Variants in FLRT1 observed in about 807,000 individuals in gnomAD.
FLRT1 encodes the protein leucine-rich repeat transmembrane protein FLRT1.
In FLRT1, 14 loss-of-function variants were observed where a neutral mutation model predicts 30.9. The ratio of observed to expected loss-of-function variants is 0.45; its 90% CI spans 0.30 to 0.71. The LOEUF (loss-of-function observed/expected upper bound fraction) is 0.71. FLRT1 is among the 30% of genes least tolerant of loss of function. The pLI is 0.08. For synonymous variants in FLRT1, 368 were observed against 430.4 expected (o/e 0.85, Z 1.80); for missense variants, 737 against 949.2 (o/e 0.78, Z 2.94).
At chr11:64,068,400 G>A (rs1944044830) in intron 1 of FLRT1, among the ~76,000 whole-genome samples, 1 of 152,234 alleles carries the variant, frequency 6.6e-6, no homozygotes, top group African/African-American at 2.4e-5. Context: ...GCTGTAAAAT[G>A]GAGGTATCTA....
At chr11:64,053,102 G>A (rs567522170) in intron 1 of FLRT1, among the ~76,000 whole-genome samples, 5 of 152,214 alleles carry the variant, frequency 3.3e-5, no homozygotes, top group Non-Finnish European at 7.3e-5. Flanking sequence ...GGGCCTGCCT[G>A]AGGGGTGTGC....
intron 1 of FLRT1, among the ~76,000 whole-genome samples, chr11:64,041,360 C>T (rs780891126): frequency 7.9e-5 from 12 of 151,890 alleles, no homozygotes; most frequent in Non-Finnish European, 1.2e-4. Flanking sequence ...CCCCCCGTGA[C>T]GCCTGGGAAA....
chr11:64,116,759 C>T lies in FLRT1; in HGVS notation c.492C>T (p.Ser164=), dbSNP rs764478858. 1.2e-5 allele frequency: 19 copies of T among 1,613,678 alleles called. No homozygotes were observed. Among genetic ancestry groups the T allele is most frequent in the Non-Finnish European group, 1.6e-5 (19 of 1,180,042 alleles). Residue 164 remains serine (S), a synonymous_variant, in exon 3 of 3, where the codon TCC becomes TCT. Coordinates refer to ENST00000682287, the MANE Select transcript of FLRT1 (RefSeq NM_013280.5). ...TGCACCTGGATGACAACTCCGTGTC[C>T]ACCGTCAGCATTGAGGAGGACGCCT... ...EKLHLDDNSV[S]TVSIEEDAFA...
At chr11:64,044,628 A>G (rs1189577407) in intron 1 of FLRT1, among the ~76,000 whole-genome samples, 1 of 152,154 alleles carries the variant, frequency 6.6e-6, no homozygotes, top group Non-Finnish European at 1.5e-5. Flanking sequence ...CACTTGCCCA[A>G]GGTCACACAG....
chr11:64,038,490 C>T (rs572976167), intron 1 of FLRT1, among the ~76,000 whole-genome samples: 2 of 152,150 alleles, frequency 1.3e-5, no homozygotes, highest in African/African-American at 2.4e-5. Context: ...TGTTGAGGGA[C>T]GGAGAGGTGG....
rs1943705548 is a variant in FLRT1, at chr11:64,052,039, TA to T, written c.-1038+15881del. 4.6e-5 allele frequency among the ~76,000 whole-genome samples: 7 copies of T among 150,618 alleles called. No individual in the cohort carries two copies. In the South Asian group the frequency reaches 1.3e-3, roughly 27 times the overall value. On this transcript the variant is annotated intron_variant, in intron 1 of 2. Coordinates refer to ENST00000682287, the MANE Select transcript of FLRT1 (RefSeq NM_013280.5). ...CTTGCTAATGAACTTGGCTGGTATC[TA>T]GGGGGGCATTTTGGGAAGGAGGAAG...
intron 1 of FLRT1, among the ~76,000 whole-genome samples, chr11:64,045,483 C>G (rs1229146628): frequency 6.6e-6 from 1 of 152,146 alleles, no homozygotes; most frequent in Non-Finnish European, 1.5e-5. Context: ...CAGCGTGGGC[C>G]CTGCCGTGGG....
At chr11:64,074,732 C>T (rs1250842029) in intron 1 of FLRT1, among the ~76,000 whole-genome samples, 2 of 152,186 alleles carry the variant, frequency 1.3e-5, no homozygotes, top group African/African-American at 2.4e-5. Flanking sequence ...GCTGCTGCCC[C>T]AGAGGCCCAG....
chr11:64,053,984 G>A (rs779383391), intron 1 of FLRT1, among the ~76,000 whole-genome samples: 1 of 152,120 alleles, frequency 6.6e-6, no homozygotes, highest in African/African-American at 2.4e-5. Flanking sequence ...CGTGCTGGGC[G>A]CTCTGCACTG....
intron 1 of FLRT1, chr11:64,087,317 G>A (rs913890335): frequency 6.6e-6 from 1 of 152,318 alleles, no homozygotes; most frequent in Non-Finnish European, 1.5e-5. Context: ...GTGGGAACAG[G>A]GTCCGCCACC....
At chr11:64,055,352 C>T (rs1027826288) in intron 1 of FLRT1, among the ~76,000 whole-genome samples, 9 of 152,224 alleles carry the variant, frequency 5.9e-5, no homozygotes, top group Admixed American at 4.6e-4. Context: ...CTGGAAGCAG[C>T]CCGGTTTCTG....
At chr11:64,040,344 A>C (rs1353475204) in intron 1 of FLRT1, among the ~76,000 whole-genome samples, 1 of 152,156 alleles carries the variant, frequency 6.6e-6, no homozygotes, top group Non-Finnish European at 1.5e-5. Context: ...CAGGGACAGA[A>C]ACAAGGGCCT....
At position 64,116,308 on chromosome 11, in the gene FLRT1, C is replaced by A. The variant is rs1202192866; in HGVS notation, c.41C>A (p.Pro14His). Residue 14 changes from proline to histidine, a missense_variant, in exon 3 of 3, where the codon CCC becomes CAC. Pro to His is a moderately conservative substitution (Grantham distance 77, BLOSUM62 -2). Coordinates refer to ENST00000682287, the MANE Select transcript of FLRT1 (RefSeq NM_013280.5). Reference protein sequence around the residue: ...AHPTATATTTPTATVTATVVM... With the variant: ...AHPTATATTTHTATVTATVVM... Reference sequence around the variant, plus strand: ...CCCACCGCCACTGCCACCACCACGCCCACTGCCACTGTCACGGCCACCGTT... The same window carrying A: ...CCCACCGCCACTGCCACCACCACGCACACTGCCACTGTCACGGCCACCGTT... 1 of 1,607,550 alleles carries A rather than the reference C, an allele frequency of 6.2e-7. No homozygotes were observed.
chr11:64,095,583 A>G (rs549097752), intron 1 of FLRT1, among the ~76,000 whole-genome samples: 2 of 152,184 alleles, frequency 1.3e-5, no homozygotes, highest in African/African-American at 4.8e-5. Context: ...TAGAGAACTG[A>G]GGTTGCTAGT....
At chr11:64,037,819 C>T (rs960416554) in intron 1 of FLRT1, among the ~76,000 whole-genome samples, 2 of 152,218 alleles carry the variant, frequency 1.3e-5, no homozygotes, top group Non-Finnish European at 2.9e-5. Context: ...CCGCACTCTA[C>T]CATTTATTGG....
intron 1 of FLRT1, among the ~76,000 whole-genome samples, chr11:64,092,850 C>T (rs1349915184): frequency 6.6e-6 from 1 of 152,230 alleles, no homozygotes; most frequent in Non-Finnish European, 1.5e-5. Flanking sequence ...ACACGTGTCA[C>T]CAAAGACAAA....
chr11:64,097,226 G>T (rs1176090706), intron 1 of FLRT1, among the ~76,000 whole-genome samples: 1 of 152,224 alleles, frequency 6.6e-6, no homozygotes, highest in African/African-American at 2.4e-5. Flanking sequence ...GTACAGGGAG[G>T]GACTGCTGGG....
intron 1 of FLRT1, among the ~76,000 whole-genome samples, chr11:64,039,135 G>A (rs527431608): frequency 5.4e-4 from 83 of 152,300 alleles, no homozygotes; most frequent in Admixed American, 1.8e-3. Flanking sequence ...AAGGGGCAGT[G>A]GGAAATGCCC....
At chr11:64,060,013 G>C (rs1943867520) in intron 1 of FLRT1, among the ~76,000 whole-genome samples, 1 of 152,152 alleles carries the variant, frequency 6.6e-6, no homozygotes, top group East Asian at 1.9e-4. Flanking sequence ...ACGTCCAGGG[G>C]CCCCCCTCCC....
Sources: allele counts gnomAD v4.1 joint callset (sites outside exome capture counted in the v4.1 genomes callset), GRCh38; gene constraint gnomAD v4.1.1; transcripts MANE v1.5; gene names NCBI Gene and HGNC (gene_info 2026-07-23, HGNC 2026-07-21).